The following GRAMD1B variants were observed in gnomAD, a reference collection of about 807,000 sequenced individuals.
GRAMD1B encodes the protein GRAM domain containing 1B.
A neutral mutation model predicts 99.7 loss-of-function variants in GRAMD1B; 37 were observed. The ratio of observed to expected loss-of-function variants is 0.37; its 90% CI spans 0.29 to 0.49. GRAMD1B has a LOEUF of 0.49. Among genes scored for constraint, GRAMD1B ranks in the 20% least tolerant of loss-of-function variants. The pLI is 0.98. For missense variants in GRAMD1B, 888 were observed against 1,009.2 expected (o/e 0.88, Z 1.63); for synonymous variants, 427 against 387.6 (o/e 1.10, Z -1.19).
intron 1 of GRAMD1B, among the ~76,000 whole-genome samples, chr11:123,462,890 T>TAAAAAAAAAAAAAAAAAAA (rs55643501): frequency 5.7e-5 from 7 of 123,068 alleles, no homozygotes; most frequent in African/African-American, 1.6e-4. Flanking sequence ...AAAAAATAAA[T>TAAAAAAAAAAAAAAAAAAA]TAAAAAAAAA....
chr11:123,579,928 T>C (rs1188459841), intron 3 of GRAMD1B, among the ~76,000 whole-genome samples: 3 of 152,166 alleles, frequency 2.0e-5, no homozygotes, highest in Non-Finnish European at 4.4e-5. Flanking sequence ...AAACTGGGCC[T>C]TTTCATAGGA....
chr11:123,402,563 G>A (rs547042417), intron 1 of GRAMD1B, among the ~76,000 whole-genome samples: 9 of 152,284 alleles, frequency 5.9e-5, no homozygotes, highest in South Asian at 4.1e-4. Flanking sequence ...AATGGGATTC[G>A]ACTGGTTAGC....
rs1000145974 is a variant in GRAMD1B, at chr11:123,608,763, C to T, written c.1618C>T (p.Pro540Ser). The T allele has an allele frequency of 9.0e-6, 14 of 1,551,878 alleles. No homozygotes were observed. The highest frequency in any genetic ancestry group is 1.4e-5 in the African/African-American group (1 of 73,054). The change falls in exon 12 of 20, where the codon CCC becomes TCC. Residue 540 changes from proline to serine, a missense_variant. Pro to Ser is a moderately conservative substitution (Grantham distance 74). Around this residue, in one of 5 missense-constraint regions of GRAMD1B, gnomAD observed 269 missense variants for 296.6 expected, o/e 0.91. Coordinates refer to ENST00000635736, the MANE Select transcript of GRAMD1B (RefSeq NM_001387025.1). ...KLYDLLFTNSPFQRDFMEQRR... is the reference protein window; with the variant it reads ...KLYDLLFTNSSFQRDFMEQRR... ...CTATGACCTCCTCTTCACCAACTCG[C>T]CCTTCCAGCGGGATTTCATGGAGCA...
chr11:123,503,447 A>C (rs1940100646), intron 2 of GRAMD1B, among the ~76,000 whole-genome samples: 1 of 151,840 alleles, frequency 6.6e-6, no homozygotes, highest in African/African-American at 2.4e-5. Context: ...TTAACCCCCC[A>C]CCCATACCCC....
At chr11:123,600,306 T>C (rs1190454556) in intron 7 of GRAMD1B, among the ~76,000 whole-genome samples, 162 bp from the exon 8 acceptor site, 1 of 152,232 alleles carries the variant, frequency 6.6e-6, no homozygotes, top group Non-Finnish European at 1.5e-5. Context: ...TCTGGTGTGC[T>C]GACCCCATCA....
intron 1 of GRAMD1B, among the ~76,000 whole-genome samples, chr11:123,431,425 C>T (rs183187440): frequency 6.6e-6 from 1 of 152,358 alleles, no homozygotes; most frequent in East Asian, 1.9e-4. Context: ...ATTCCATCTC[C>T]CTTGATCCTC....
intron 1 of GRAMD1B, among the ~76,000 whole-genome samples, chr11:123,469,632 G>A (rs1193126319): frequency 1.3e-5 from 2 of 152,124 alleles, no homozygotes; most frequent in African/African-American, 2.4e-5. Flanking sequence ...AGAGAGCTCT[G>A]TACCTCTGCA....
At chr11:123,611,868 G>A (rs534446177) in intron 14 of GRAMD1B, among the ~76,000 whole-genome samples, 5 of 152,206 alleles carry the variant, frequency 3.3e-5, no homozygotes, top group African/African-American at 4.8e-5. Flanking sequence ...GGGATGGGGC[G>A]GGATGGATTA....
Position 123,558,022 on chromosome 11 carries a change from C to T in GRAMD1B, c.453-19345C>T, listed in dbSNP as rs896715927. On this transcript the variant is annotated intron_variant, in intron 2 of 19. Transcript: ENST00000635736. Reference sequence around the variant, plus strand: ...TTTTTAATGCAGAGTCTTGCTCTGTCGCCCAGGCTGGAGTGCAGTGGTGCG... The same window carrying T: ...TTTTTAATGCAGAGTCTTGCTCTGTTGCCCAGGCTGGAGTGCAGTGGTGCG... Among the ~76,000 whole-genome samples the T allele has an allele frequency of 8.2e-5, 11 of 133,802 alleles. No homozygotes were observed. The East Asian group carries it at 1.8e-3, about 22-fold the overall frequency. 87.8% of individuals were successfully genotyped at this position (133,802 alleles called of 152,430 possible).
intron 1 of GRAMD1B, among the ~76,000 whole-genome samples, chr11:123,378,257 G>A (rs1482099124): frequency 6.6e-6 from 1 of 151,956 alleles, no homozygotes; most frequent in African/African-American, 2.4e-5. Context: ...TTCAAAGCCT[G>A]CATTTTTTTT....
chr11:123,572,932 AG>A (rs1295056659), intron 2 of GRAMD1B, among the ~76,000 whole-genome samples: 1 of 148,998 alleles, frequency 6.7e-6, no homozygotes, highest in Non-Finnish European at 1.5e-5. Context: ...AGGCACAAAG[AG>A]GCCCCGATGG....
At chr11:123,583,619 C>T (rs933209639) in intron 3 of GRAMD1B, among the ~76,000 whole-genome samples, 60 of 152,172 alleles carry the variant, frequency 3.9e-4, no homozygotes, top group Non-Finnish European at 8.2e-4. Flanking sequence ...AGGTCCCCTT[C>T]CTCCTGGGTC....
chr11:123,513,578 TTTCCTTCCTTCCTTCCTTCCTTC>T (rs1202860522), intron 2 of GRAMD1B, among the ~76,000 whole-genome samples: 1 of 41,694 alleles, frequency 2.4e-5, no homozygotes, highest in African/African-American at 9.2e-5. Flanking sequence ...CCTTCCTTCC[TTTCCTTCCTTCCTTCCTTCCTTC>T]CTTCCTTCCT....
At chr11:123,601,534 TG>T (rs1158368645) in intron 8 of GRAMD1B, among the ~76,000 whole-genome samples, 78 of 152,108 alleles carry the variant, frequency 5.1e-4, no homozygotes, top group Non-Finnish European at 9.4e-4. Context: ...TGTGTGTGTG[TG>T]TGTGTGTGTG....
Position 123,600,556 on chromosome 11 carries a change from C to A in GRAMD1B, c.1050+8C>A. 1 of 1,596,228 alleles carries A rather than the reference C, an allele frequency of 6.3e-7. No individual in the cohort carries two copies. The highest frequency in any genetic ancestry group is 8.6e-7 in the Non-Finnish European group (1 of 1,164,432). ...AATGCTCTCCTTGAAAAGGTAAGTA[C>A]GGCCGAGTTTGCTTTTACTGTGGGA... is the stretch of plus-strand genomic sequence containing the variant. On this transcript the variant is annotated splice_region_variant and intron_variant, in intron 8 of 19. Coordinates refer to ENST00000635736, the MANE Select transcript of GRAMD1B (RefSeq NM_001387025.1).
In GRAMD1B at chr11:123,419,698, A is replaced by AGTGT. The variant is rs3222403; in HGVS notation, c.-176+60945_-176+60948dup. Among the ~76,000 whole-genome samples, 362 of 134,088 alleles carry AGTGT rather than the reference A, an allele frequency of 2.7e-3. 1 individual carries two copies. The highest frequency in any genetic ancestry group is 6.0e-3 in the African/African-American group (212 of 35,610). The allele number at this position is 134,088 out of a possible 152,430, so 88.0% of individuals were successfully genotyped here. ...CAAGAAGGGAGTCGGGGAATTTCTA[A>AGTGT]GTGTGTGTGTGTGTGTGTGTGTGTG... On this transcript the variant is annotated intron_variant, in intron 1 of 20. Coordinates refer to the GRAMD1B transcript ENST00000638157.
chr11:123,498,100 G>T (rs1939501122), intron 2 of GRAMD1B, among the ~76,000 whole-genome samples: 1 of 151,994 alleles, frequency 6.6e-6, no homozygotes, highest in African/African-American at 2.4e-5. Context: ...TGTGATGAAT[G>T]CTGCCAGGCC....
chr11:123,364,974 T>G (rs1946269847), intron 1 of GRAMD1B, among the ~76,000 whole-genome samples: 1 of 152,228 alleles, frequency 6.6e-6, no homozygotes, highest in Non-Finnish European at 1.5e-5. Flanking sequence ...AAAAATCACC[T>G]TTGAACTCTT....
chr11:123,620,651 A>T (rs1955014483), intron 19 of GRAMD1B, among the ~76,000 whole-genome samples: 2 of 152,108 alleles, frequency 1.3e-5, no homozygotes, highest in African/African-American at 4.8e-5. Context: ...GTGTTGATGG[A>T]ATTGAAGACA....
Sources: allele counts gnomAD v4.1 joint callset (sites outside exome capture counted in the v4.1 genomes callset), GRCh38; gene constraint gnomAD v4.1.1; regional missense constraint gnomAD v4.1.1; transcripts MANE v1.5; gene names NCBI Gene and HGNC (gene_info 2026-07-23, HGNC 2026-07-21).